PTPRR: variants seen among roughly 807,000 people sequenced by gnomAD.
PTPRR encodes the protein protein tyrosine phosphatase receptor type R.
PTPRR carries 38 observed loss-of-function variants against 77.2 expected under a neutral mutation model. The ratio of observed to expected loss-of-function variants is 0.49; its 90% CI spans 0.38 to 0.65. The LOEUF is 0.65. PTPRR is among the 30% of genes least tolerant of loss of function. The pLI, the probability that PTPRR is intolerant of heterozygous loss-of-function variation, is 0.00. For missense variants in PTPRR, 744 were observed against 799.2 expected (o/e 0.93, Z 0.83); for synonymous variants, 299 against 283.1 (o/e 1.06, Z -0.57).
intron 2 of PTPRR, among the ~76,000 whole-genome samples, chr12:70,780,269 C>T (rs765457044): frequency 2.0e-5 from 3 of 152,080 alleles, no homozygotes; most frequent in African/African-American, 2.4e-5. Context: ...GGATTACAGG[C>T]GTGAGCCACT....
intron 2 of PTPRR, among the ~76,000 whole-genome samples, chr12:70,842,687 C>G (rs1399119193): frequency 6.6e-6 from 1 of 152,186 alleles, no homozygotes; most frequent in African/African-American, 2.4e-5. Flanking sequence ...TAGAAACACA[C>G]TTGTCATTGG....
intron 6 of PTPRR, among the ~76,000 whole-genome samples, chr12:70,720,822 G>A (rs898522411): frequency 1.3e-5 from 2 of 151,902 alleles, no homozygotes; most frequent in African/African-American, 4.8e-5. Context: ...TAGGCCCTAG[G>A]ATATTATCCT....
intron 6 of PTPRR, among the ~76,000 whole-genome samples, chr12:70,705,750 T>A (rs1195141484): frequency 1.3e-5 from 2 of 151,910 alleles, no homozygotes; most frequent in African/African-American, 4.8e-5. Context: ...GTGAAAAGTA[T>A]ATATAATTTG....
At chr12:70,738,102 G>A (rs1270143353) in intron 6 of PTPRR, among the ~76,000 whole-genome samples, 1 of 152,160 alleles carries the variant, frequency 6.6e-6, no homozygotes, top group African/African-American at 2.4e-5. Flanking sequence ...TTCATGGCAT[G>A]TACTGTCTTT....
intron 7 of PTPRR, among the ~76,000 whole-genome samples, chr12:70,700,884 C>T (rs1467599088): frequency 6.6e-6 from 1 of 152,142 alleles, no homozygotes; most frequent in East Asian, 1.9e-4. Context: ...CCTGGAATGC[C>T]CCTTCTCTGC....
At chr12:70,691,025 A>C (rs966533289) in intron 8 of PTPRR, among the ~76,000 whole-genome samples, 1 of 152,120 alleles carries the variant, frequency 6.6e-6, no homozygotes, top group African/African-American at 2.4e-5. Context: ...CTATTTTTTA[A>C]AAAAAGGTCA....
chr12:70,700,649 A>G (rs531221960), intron 7 of PTPRR, among the ~76,000 whole-genome samples: 49 of 152,268 alleles, frequency 3.2e-4, no homozygotes, highest in African/African-American at 1.2e-3. Flanking sequence ...CACAGGATTA[A>G]CACTAGAGCC....
intron 12 of PTPRR, among the ~76,000 whole-genome samples, chr12:70,658,320 G>T (rs1414255399): frequency 2.6e-5 from 4 of 152,136 alleles, no homozygotes; most frequent in Admixed American, 6.5e-5. Context: ...AGCTCCCATG[G>T]TTGGAAATAA....
At chr12:70,852,769 A>ACTT (rs1222081441) in intron 2 of PTPRR, among the ~76,000 whole-genome samples, 3 of 152,132 alleles carry the variant, frequency 2.0e-5, no homozygotes, top group Non-Finnish European at 4.4e-5. Context: ...CTTTTTTTGG[A>ACTT]CTTCTACATA....
chr12:70,804,092 T>G (rs1194901701), intron 2 of PTPRR, among the ~76,000 whole-genome samples: 2 of 151,870 alleles, frequency 1.3e-5, no homozygotes, highest in African/African-American at 4.8e-5. Flanking sequence ...AGTGTCTTCT[T>G]AAATTTTTTG....
At chr12:70,769,208 G>A (rs1890907073) in intron 2 of PTPRR, among the ~76,000 whole-genome samples, 1 of 149,432 alleles carries the variant, frequency 6.7e-6, no homozygotes, top group East Asian at 2.0e-4. Context: ...TAGGAAAAGA[G>A]GAAGTCAAAT....
chr12:70,827,341 A>G (rs1892128543), intron 2 of PTPRR, among the ~76,000 whole-genome samples: 1 of 152,158 alleles, frequency 6.6e-6, no homozygotes, highest in South Asian at 2.1e-4. Context: ...AAACTGCTCT[A>G]GACTGAGTGG....
intron 2 of PTPRR, among the ~76,000 whole-genome samples, chr12:70,877,173 C>T (rs561691470): frequency 2.4e-4 from 37 of 152,290 alleles, no homozygotes; most frequent in South Asian, 8.3e-4. Flanking sequence ...AGTAGGGCTT[C>T]GGTCAGGCCA....
chr12:70,832,896 G>C (rs1048175881), intron 2 of PTPRR, among the ~76,000 whole-genome samples: 1 of 152,102 alleles, frequency 6.6e-6, no homozygotes, highest in African/African-American at 2.4e-5. Context: ...GGTGAGAGTG[G>C]GAGCAAGAGA....
intron 13 of PTPRR, among the ~76,000 whole-genome samples, chr12:70,645,201 T>C (rs1319314052): frequency 6.6e-6 from 1 of 152,160 alleles, no homozygotes; most frequent in African/African-American, 2.4e-5. Context: ...TGGTTTTCTG[T>C]GTTGGTGTTC....
intron 13 of PTPRR, among the ~76,000 whole-genome samples, chr12:70,653,837 C>G (rs1457069035): frequency 2.0e-5 from 3 of 152,174 alleles, no homozygotes; most frequent in Non-Finnish European, 4.4e-5. Context: ...TAAACTCAGG[C>G]AGGCAATCTG....
chr12:70,731,878 CAT>C (rs1261954444), intron 6 of PTPRR, among the ~76,000 whole-genome samples: 4 of 152,190 alleles, frequency 2.6e-5, no homozygotes, highest in East Asian at 1.9e-4. Context: ...CCTACACACA[CAT>C]GTGTGAGTTC....
At chr12:70,656,513 A>T (rs1886586367) in intron 13 of PTPRR, among the ~76,000 whole-genome samples, 191 bp downstream of exon 13, 1 of 152,226 alleles carries the variant, frequency 6.6e-6, no homozygotes. Flanking sequence ...TGGATGACAG[A>T]GCAAGACCTT....
At chr12:70,802,393 A>G (rs1207806372) in intron 2 of PTPRR, among the ~76,000 whole-genome samples, 1 of 152,150 alleles carries the variant, frequency 6.6e-6, no homozygotes, top group East Asian at 1.9e-4. Context: ...GAGAAGTCAT[A>G]TTTTGTCAGA....
Sources: allele counts gnomAD v4.1 joint callset (sites outside exome capture counted in the v4.1 genomes callset), GRCh38; gene constraint gnomAD v4.1.1; transcripts MANE v1.5; gene names NCBI Gene and HGNC (gene_info 2026-07-23, HGNC 2026-07-21).